The following CHCHD3 variants were observed in gnomAD, a reference collection of about 807,000 sequenced individuals.
The protein encoded by CHCHD3 is coiled-coil-helix-coiled-coil-helix domain containing 3.
A neutral mutation model predicts 38.2 loss-of-function variants in CHCHD3; 20 were observed. The observed-to-expected ratio is 0.52, with a 90% CI of 0.37 to 0.76. The LOEUF is 0.76. CHCHD3 is among the 30% of genes least tolerant of loss of function. The probability of loss-of-function intolerance (pLI) is 0.00; values close to 1 mark genes in which losing one functional copy is unlikely to be tolerated. For missense variants in CHCHD3, 245 were observed against 279.2 expected (o/e 0.88, Z 0.87); for synonymous variants, 82 against 100.0 (o/e 0.82, Z 1.07).
intron 2 of CHCHD3, among the ~76,000 whole-genome samples, chr7:133,057,557 G>A (rs758307758): frequency 1.3e-5 from 2 of 151,364 alleles, no homozygotes; most frequent in Non-Finnish European, 2.9e-5. Context: ...GTAAGACCTC[G>A]TCTCAAAAAA....
Position 133,035,123 on chromosome 7 carries a change from A to T in CHCHD3, c.170-10496T>A. On this transcript the variant is annotated intron_variant, in intron 2 of 7. Transcript: ENST00000262570. This position sits in a 1 kb window ranked among gnomAD's most constrained non-coding sequence, Gnocchi z 4.7. ...TGGGCTCAGCAGCCAGCGCCTGCTCACATTCATCCATCTCCTCCTCAGGAG... is the reference window on the plus strand; with the variant it reads ...TGGGCTCAGCAGCCAGCGCCTGCTCTCATTCATCCATCTCCTCCTCAGGAG... 6.2e-7 allele frequency: 1 copy of T among 1,613,690 alleles called. No individual in the cohort carries two copies. Among genetic ancestry groups the T allele is most frequent in the Non-Finnish European group, 8.5e-7 (1 of 1,179,706 alleles).
chr7:133,028,626 C>A (rs1449327927), intron 2 of CHCHD3, among the ~76,000 whole-genome samples: 1 of 152,070 alleles, frequency 6.6e-6, no homozygotes, highest in African/African-American at 2.4e-5. Flanking sequence ...GTGGCTCACG[C>A]CTATAATCCC....
intron 1 of CHCHD3, among the ~76,000 whole-genome samples, chr7:133,075,798 G>A (rs762226749): frequency 1.2e-4 from 19 of 152,254 alleles, no homozygotes; most frequent in Admixed American, 3.9e-4. Context: ...GGTGGCTCAC[G>A]CCTATAATCC....
chr7:132,889,571 G>A (rs1809309245), intron 4 of CHCHD3, among the ~76,000 whole-genome samples: 1 of 151,990 alleles, frequency 6.6e-6, no homozygotes, highest in South Asian at 2.1e-4. Context: ...GACCAAAGAG[G>A]GCAATATTTC....
chr7:132,971,499 T>A (rs1037546632), intron 4 of CHCHD3, among the ~76,000 whole-genome samples: 24 of 152,186 alleles, frequency 1.6e-4, no homozygotes, highest in Admixed American at 1.6e-3. Flanking sequence ...AGGGCCATCA[T>A]GACTTTGCCC....
At chr7:132,803,976 T>C (rs1478878821) in intron 6 of CHCHD3, among the ~76,000 whole-genome samples, 5 of 151,734 alleles carry the variant, frequency 3.3e-5, no homozygotes, top group African/African-American at 1.2e-4. Context: ...GTAACTTTAA[T>C]TTCAGGTTCT....
At chr7:132,864,024 T>G (rs1034695581) in intron 5 of CHCHD3, among the ~76,000 whole-genome samples, 25 of 152,240 alleles carry the variant, frequency 1.6e-4, no homozygotes, top group African/African-American at 5.5e-4. Flanking sequence ...CATTGATGTG[T>G]TCACTGGAGT....
At chr7:132,916,726 T>C (rs1474267847) in intron 4 of CHCHD3, among the ~76,000 whole-genome samples, 1 of 152,076 alleles carries the variant, frequency 6.6e-6, no homozygotes, top group Non-Finnish European at 1.5e-5. Flanking sequence ...GGACCACCAG[T>C]GTGCACCATC....
chr7:132,796,324 T>C (rs1806611146), intron 7 of CHCHD3, 118 bp downstream of exon 7: 1 of 1,097,046 alleles, frequency 9.1e-7, no homozygotes, highest in African/African-American at 1.6e-5. Context: ...TTGATGATGA[T>C]GACTAGGGCT....
chr7:133,041,876 C>A (rs1330493291), intron 2 of CHCHD3, among the ~76,000 whole-genome samples: 1 of 152,228 alleles, frequency 6.6e-6, no homozygotes, highest in Non-Finnish European at 1.5e-5. Flanking sequence ...CAAACAACTG[C>A]TCTAATTCAA....
chr7:133,024,929 T>C (rs1331264751), intron 2 of CHCHD3, among the ~76,000 whole-genome samples: 1 of 152,106 alleles, frequency 6.6e-6, no homozygotes, highest in Admixed American at 6.5e-5. Context: ...TTCTTTAAGA[T>C]GATGTCCTAA....
intron 2 of CHCHD3, among the ~76,000 whole-genome samples, chr7:133,052,622 C>A (rs1186017252): frequency 6.6e-6 from 1 of 152,160 alleles, no homozygotes; most frequent in Non-Finnish European, 1.5e-5. Flanking sequence ...GTGGTTGACA[C>A]ATTATTTTCT....
At chr7:132,984,916 G>T (rs1324319455) in intron 3 of CHCHD3, among the ~76,000 whole-genome samples, 2 of 87,658 alleles carry the variant, frequency 2.3e-5, no homozygotes, top group Non-Finnish European at 4.9e-5. Context: ...TCAGCCCCCC[G>T]CCCGGCCAGC....
At chr7:132,996,160 G>T (rs952495696) in intron 3 of CHCHD3, among the ~76,000 whole-genome samples, 4 of 152,128 alleles carry the variant, frequency 2.6e-5, no homozygotes, top group African/African-American at 9.7e-5. Flanking sequence ...AAAGTAAAAT[G>T]CTCCATGTTC....
At chr7:133,005,918 AT>A (rs1812686595) in intron 3 of CHCHD3, among the ~76,000 whole-genome samples, 2 of 152,228 alleles carry the variant, frequency 1.3e-5, no homozygotes, top group Admixed American at 1.3e-4. Context: ...CTCCAGGGCA[AT>A]TAGAGTATTC....
Position 133,081,994 on chromosome 7 carries a change from C to T in CHCHD3, c.-57G>A, listed in dbSNP as rs1014889545. 20 of 1,436,684 alleles carry T rather than the reference C, an allele frequency of 1.4e-5. No individual in the cohort carries two copies. The highest frequency in any genetic ancestry group is 1.9e-5 in the Non-Finnish European group (20 of 1,073,620). 89.0% of individuals were successfully genotyped at this position (1,436,684 alleles called of 1,614,324 possible). ...CGGGGAACCACGAGCACTTCGGGGC[C>T]CCCGCACCCACACGCGCGTGGAAGG... On this transcript the variant is annotated 5_prime_UTR_variant, in exon 1 of 8. Coordinates refer to ENST00000262570, the MANE Select transcript of CHCHD3 (RefSeq NM_017812.4).
chr7:133,019,494 C>A (rs538932282), intron 3 of CHCHD3, among the ~76,000 whole-genome samples: 1 of 152,262 alleles, frequency 6.6e-6, no homozygotes, highest in Non-Finnish European at 1.5e-5. Flanking sequence ...ACACTATACT[C>A]TAACACAGAT....
chr7:132,930,813 A>T (rs1209638480), intron 4 of CHCHD3, among the ~76,000 whole-genome samples: 1 of 152,166 alleles, frequency 6.6e-6, no homozygotes, highest in African/African-American at 2.4e-5. Flanking sequence ...CTCAAGATGG[A>T]TGCCAGACAC....
intron 5 of CHCHD3, among the ~76,000 whole-genome samples, chr7:132,842,685 T>C (rs1807969172): frequency 6.6e-6 from 1 of 152,182 alleles, no homozygotes; most frequent in African/African-American, 2.4e-5. Flanking sequence ...TGACTCGTGA[T>C]TTGGGCTCAC....
Sources: allele counts gnomAD v4.1 joint callset (sites outside exome capture counted in the v4.1 genomes callset), GRCh38; gene constraint gnomAD v4.1.1; non-coding constraint Gnocchi (gnomAD v3.1); transcripts MANE v1.5; gene names NCBI Gene and HGNC (gene_info 2026-07-23, HGNC 2026-07-21).